MEI4: variants seen among roughly 807,000 people sequenced by gnomAD.
MEI4 encodes meiotic double-stranded break formation protein 4, also known as meiosis-specific protein MEI4.
MEI4 carries 27 observed loss-of-function variants against 31.4 expected under a neutral mutation model. The ratio of observed to expected loss-of-function variants is 0.86; its 90% CI spans 0.63 to 1.19. The LOEUF (loss-of-function observed/expected upper bound fraction) is 1.19. Ranked by LOEUF, MEI4 falls within the 50% of genes most tolerant of loss-of-function variation. The pLI, the probability that MEI4 is intolerant of heterozygous loss-of-function variation, is 0.00. For missense variants in MEI4, 329 were observed against 398.9 expected, an observed-to-expected ratio of 0.82 and a Z score of 1.49; for synonymous variants, 122 against 145.4, an observed-to-expected ratio of 0.84 and a Z score of 1.16.
intron 3 of MEI4, 85 bp from the exon 4 acceptor site, chr6:77,828,846 G>A: frequency 4.0e-6 from 4 of 1,010,758 alleles, no homozygotes; most frequent in Admixed American, 8.5e-5. Flanking sequence ...ATTCCTCACA[G>A]CATTTAGCTC....
rs181021421 is a variant in MEI4 at position 77,752,899 on chromosome 6, C to A, written c.233-8231C>A. On this transcript the variant is annotated intron_variant, in intron 2 of 4. Transcript: ENST00000684080. Reference sequence around the variant, plus strand: ...AAACAGCATGGTACTGGTACCAAAACAGATATATAGACCAGTGGAACAGAA... The same window carrying A: ...AAACAGCATGGTACTGGTACCAAAAAAGATATATAGACCAGTGGAACAGAA... Among the ~76,000 whole-genome samples, 547 of 152,248 alleles carry A rather than the reference C, an allele frequency of 3.6e-3. 2 individuals carry two copies. The highest frequency in any genetic ancestry group is 0.017 in the Middle Eastern group (5 of 294).
intron 4 of MEI4, among the ~76,000 whole-genome samples, chr6:77,835,678 A>T (rs564601792): frequency 9.3e-4 from 142 of 152,192 alleles, no homozygotes; most frequent in Non-Finnish European, 1.6e-3. Flanking sequence ...TATCCTGTAA[A>T]ATATAGCAAA....
intron 1 of MEI4, among the ~76,000 whole-genome samples, chr6:77,685,498 T>A (rs1769038594): frequency 6.6e-6 from 1 of 152,138 alleles, no homozygotes; most frequent in Non-Finnish European, 1.5e-5. Context: ...TTTTGCAGGT[T>A]GTTCCTTCAG....
intron 2 of MEI4, among the ~76,000 whole-genome samples, chr6:77,734,560 C>T (rs573785837): frequency 6.6e-6 from 1 of 152,148 alleles, no homozygotes; most frequent in South Asian, 2.1e-4. Flanking sequence ...TTCCTGAATA[C>T]AGCACACTGA....
Position 77,708,950 on chromosome 6 carries a change from A to C in MEI4, c.232+18047A>C, listed in dbSNP as rs191171502. 1.4e-3 allele frequency among the ~76,000 whole-genome samples: 212 copies of C among 152,302 alleles called. 1 individual carries two copies. The highest frequency in any genetic ancestry group is 4.5e-3 in the African/African-American group (186 of 41,568). On this transcript the variant is annotated intron_variant, in intron 2 of 4. Coordinates refer to ENST00000684080, the MANE Select transcript of MEI4 (RefSeq NM_001322247.2). ...ATAAATTATCCTGTTTTAGGAATTT[A>C]TTTATAGCAACGTAAACAGACTAAC...
At chr6:77,760,650 G>T (rs1454721501) in intron 2 of MEI4, among the ~76,000 whole-genome samples, 1 of 152,038 alleles carries the variant, frequency 6.6e-6, no homozygotes, top group African/African-American at 2.4e-5. Flanking sequence ...TTAACTTTGA[G>T]CTCCTACTTT....
chr6:77,767,497 C>A (rs1768204707), intron 3 of MEI4, among the ~76,000 whole-genome samples: 2 of 152,044 alleles, frequency 1.3e-5, no homozygotes, highest in African/African-American at 2.4e-5. Context: ...GAGTTTGAGA[C>A]CATCCTTGGC....
At chr6:77,787,763 AC>A (rs1162214473) in intron 3 of MEI4, among the ~76,000 whole-genome samples, 1 of 152,220 alleles carries the variant, frequency 6.6e-6, no homozygotes, top group Non-Finnish European at 1.5e-5. Flanking sequence ...AATCATATTA[AC>A]AAGTTCAATA....
In MEI4 at chr6:77,794,007, T is replaced by TA. The variant is rs367578662; in HGVS notation, c.768+32349dup. Reference sequence around the variant, plus strand: ...AAAGACACAGACTGGATGAATAGATTAAAAAAACAAAAAATAAGAAGATTC... The same window carrying TA: ...AAAGACACAGACTGGATGAATAGATTAAAAAAAACAAAAAATAAGAAGATTC... On this transcript the variant is annotated intron_variant, in intron 3 of 4. Coordinates refer to ENST00000684080, the MANE Select transcript of MEI4 (RefSeq NM_001322247.2). Among the ~76,000 whole-genome samples, 1,300 of 151,946 alleles carry TA rather than the reference T, an allele frequency of 8.6e-3. 15 individuals carry two copies. Among genetic ancestry groups the TA allele is most frequent in the African/African-American group, 0.029 (1,188 of 41,434 alleles).
intron 3 of MEI4, among the ~76,000 whole-genome samples, chr6:77,782,722 G>A (rs1256083838): frequency 6.6e-6 from 1 of 152,120 alleles, no homozygotes; most frequent in Non-Finnish European, 1.5e-5. Flanking sequence ...GTTCTTATAT[G>A]TAGCTTTGAT....
At chr6:77,702,370 C>G (rs11758815) in intron 2 of MEI4, among the ~76,000 whole-genome samples, 20,973 of 152,118 alleles carry the variant, frequency 0.14, 1,533 homozygotes, top group Middle Eastern at 0.21. Context: ...TCTCAGTTCC[C>G]ATATAAGCTT....
At chr6:77,708,419 A>G (rs140558604) in intron 2 of MEI4, among the ~76,000 whole-genome samples, 1 of 152,328 alleles carries the variant, frequency 6.6e-6, no homozygotes, top group East Asian at 1.9e-4. Flanking sequence ...ACAGGCTCAT[A>G]GGTAGAAGGA....
At chr6:77,864,388 C>A (rs201668445) in intron 4 of MEI4, among the ~76,000 whole-genome samples, 25,134 of 151,478 alleles carry the variant, frequency 0.17, 2,452 homozygotes, top group Non-Finnish European at 0.22. Flanking sequence ...GGAGGAAGAT[C>A]TACCAAGCAA....
At chr6:77,675,961 G>A (rs1768837298) in intron 1 of MEI4, among the ~76,000 whole-genome samples, 1 of 152,166 alleles carries the variant, frequency 6.6e-6, no homozygotes, top group Non-Finnish European at 1.5e-5. Context: ...TCATTGATAA[G>A]TTTGATCTTA....
At chr6:77,690,945 T>C in intron 2 of MEI4, 42 bp downstream of exon 2, 1 of 1,025,860 alleles carries the variant, frequency 9.7e-7, no homozygotes, top group East Asian at 3.3e-5. Context: ...GTCATACTTG[T>C]TTTATTTCAG....
chr6:77,711,152 A>C (rs1432970829), intron 2 of MEI4, among the ~76,000 whole-genome samples: 1 of 152,124 alleles, frequency 6.6e-6, no homozygotes, highest in African/African-American at 2.4e-5. Context: ...AGGATGAATA[A>C]ATTCTGGTGA....
At chr6:77,663,018 A>G (rs1485477643) in intron 1 of MEI4, among the ~76,000 whole-genome samples, 2 of 152,218 alleles carry the variant, frequency 1.3e-5, no homozygotes, top group East Asian at 3.9e-4. Context: ...GTGCAAAGGA[A>G]TAGTAAAGAA....
chr6:77,779,399 G>T (rs1318034585), intron 3 of MEI4, among the ~76,000 whole-genome samples: 3 of 152,118 alleles, frequency 2.0e-5, no homozygotes, highest in African/African-American at 4.8e-5. Flanking sequence ...TAGTACCCTT[G>T]TCACAAATTT....
intron 2 of MEI4, among the ~76,000 whole-genome samples, chr6:77,730,843 G>T (rs578234120): frequency 7.0e-6 from 1 of 141,960 alleles, no homozygotes; most frequent in Non-Finnish European, 1.5e-5. Context: ...TGTTCTCATT[G>T]TTCAATTCCC....
Sources: gnomAD v4.1 joint callset for allele counts (sites outside exome capture counted in the v4.1 genomes callset) on GRCh38, gnomAD v4.1.1 for gene constraint, MANE v1.5 for transcripts, NCBI Gene and HGNC (gene_info 2026-07-23, HGNC 2026-07-21) for gene names.